The following OTUD7A variants were observed in gnomAD, a reference collection of about 807,000 sequenced individuals.
OTUD7A encodes OTU domain-containing protein 7A.
Under a neutral mutation model 65.7 loss-of-function variants are expected in OTUD7A, and 12 were observed. The ratio of observed to expected loss-of-function variants is 0.18; its 90% confidence interval spans 0.12 to 0.30. The LOEUF (loss-of-function observed/expected upper bound fraction) is 0.30, where lower values mean the gene tolerates loss of function less well. Among genes scored for constraint, OTUD7A ranks in the 10% least tolerant of loss-of-function variants. The probability of loss-of-function intolerance (pLI) is 1.00; values close to 1 mark genes in which losing one functional copy is unlikely to be tolerated. For synonymous variants in OTUD7A, 641 were observed against 586.3 expected (o/e 1.09, Z -1.35); for missense variants, 1,148 against 1,304.8 (o/e 0.88, Z 1.85).
intron 6 of OTUD7A, among the ~76,000 whole-genome samples, chr15:31,528,809 G>A (rs1291370742): frequency 6.6e-6 from 1 of 152,248 alleles, no homozygotes; most frequent in Non-Finnish European, 1.5e-5. Flanking sequence ...AAGGACTGCT[G>A]GTGAATGTCA....
intron 1 of OTUD7A, among the ~76,000 whole-genome samples, chr15:31,831,833 C>T (rs1001391343): frequency 3.3e-5 from 5 of 152,248 alleles, no homozygotes; most frequent in African/African-American, 1.2e-4. Flanking sequence ...GATAAAGCAG[C>T]GGCACAGATG....
At position 31,865,171 on chromosome 15, in the gene OTUD7A, C is replaced by T. The variant is rs57866032; in HGVS notation, c.-100+5336G>A. On this transcript the variant is annotated intron_variant, in intron 1 of 12. Transcript: ENST00000307050. ...TAACAGACAGTCAAAACAAATACTC[C>T]AATTCATACATTTTAAAAAGAAAAA... Among the ~76,000 whole-genome samples, 69 of 152,288 alleles carry T rather than the reference C, an allele frequency of 4.5e-4. No individual in the cohort carries two copies. The East Asian group carries it at 0.011, about 23-fold the overall frequency.
Position 31,747,258 on chromosome 15 carries a change from C to A in OTUD7A, c.-99-90181G>T, listed in dbSNP as rs185549379. 9.5e-4 allele frequency among the ~76,000 whole-genome samples: 145 copies of A among 152,106 alleles called. 1 individual carries two copies. Among genetic ancestry groups the A allele is most frequent in the Middle Eastern group, 6.8e-3 (2 of 294 alleles). On this transcript the variant is annotated intron_variant, in intron 1 of 12. Coordinates refer to ENST00000307050, the MANE Select transcript of OTUD7A (RefSeq NM_001382637.1). Reference sequence around the variant, plus strand: ...AGTTCTCATTTTTGATACATACCCACATTTCTTAATTATGACAACGCCTAG... The same window carrying A: ...AGTTCTCATTTTTGATACATACCCAAATTTCTTAATTATGACAACGCCTAG...
At position 31,484,218 on chromosome 15, in the gene OTUD7A, C is replaced by A; in HGVS notation, c.1878G>T (p.Lys626Asn). ...CGGCGCGCAGGATGTTGAGGCTCAG[C>A]TTCACATCCGTGCTGTACTTCCAGG... ...GDAWKYSTDVKLSLNILRAAM... is the reference protein window; with the variant it reads ...GDAWKYSTDVNLSLNILRAAM... The change falls in exon 13 of 13, where the codon AAG (lysine) becomes AAT (asparagine). Residue 626 changes from lysine to asparagine, a missense_variant. Lys to Asn is a moderately conservative substitution (Grantham distance 94, BLOSUM62 0). This residue lies in a region of OTUD7A where 842 missense variants were observed against 769.5 expected (regional missense o/e 1.09). Coordinates refer to ENST00000307050, the MANE Select transcript of OTUD7A (RefSeq NM_001382637.1). This position sits in a 1 kb window ranked among gnomAD's most constrained non-coding sequence, Gnocchi z 4.5. The A allele has an allele frequency of 6.2e-7, 1 of 1,607,726 alleles. No homozygotes were observed. The highest frequency in any genetic ancestry group is 8.5e-7 in the Non-Finnish European group (1 of 1,178,570).
chr15:31,599,803 T>C (rs1890021070), intron 3 of OTUD7A, among the ~76,000 whole-genome samples: 1 of 152,074 alleles, frequency 6.6e-6, no homozygotes, highest in Admixed American at 6.6e-5. Flanking sequence ...ATAAATGACC[T>C]GATGGAGTTG....
rs34239466 is a variant in OTUD7A, at chr15:31,638,378, C to CTT, written c.151+16716_151+16717dup. 3.1e-3 allele frequency among the ~76,000 whole-genome samples: 417 copies of CTT among 134,548 alleles called. 7 individuals are homozygous for CTT. Among genetic ancestry groups the CTT allele is most frequent in the African/African-American group, 7.9e-3 (277 of 35,212 alleles). The allele number at this position is 134,548 out of a possible 152,430, so 88.3% of individuals were successfully genotyped here. A position where few individuals can be genotyped will look rare whatever the true frequency, so the allele number is the denominator to read the frequency against. On this transcript the variant is annotated intron_variant, in intron 3 of 12. Coordinates refer to ENST00000307050, the MANE Select transcript of OTUD7A (RefSeq NM_001382637.1). ...AGACTACAGAATAGTATAAAGATAACTTTTTTTTTTTTTTTTTTTGAGACA... is the reference window on the plus strand; with the variant it reads ...AGACTACAGAATAGTATAAAGATAACTTTTTTTTTTTTTTTTTTTTTGAGACA...
intron 1 of OTUD7A, among the ~76,000 whole-genome samples, chr15:31,755,468 T>C (rs957604726): frequency 1.3e-5 from 2 of 152,132 alleles, no homozygotes; most frequent in Non-Finnish European, 2.9e-5. Context: ...ACGCCTGTAA[T>C]ACCAGCACTT....
chr15:31,835,364 C>T (rs957198376), intron 1 of OTUD7A, among the ~76,000 whole-genome samples: 2 of 152,196 alleles, frequency 1.3e-5, no homozygotes, highest in Non-Finnish European at 2.9e-5. Context: ...AACTAGGCAT[C>T]CCGTATTATT....
At chr15:31,865,922 G>C (rs1897864813) in intron 1 of OTUD7A, among the ~76,000 whole-genome samples, 1 of 152,178 alleles carries the variant, frequency 6.6e-6, no homozygotes, top group Non-Finnish European at 1.5e-5. Context: ...TTACTCATGT[G>C]TATTCATTCA....
At position 31,484,999 on chromosome 15, in the gene OTUD7A, CTT is replaced by C. The variant is rs2041216542; in HGVS notation, c.1372-277_1372-276del. ...CCAGGGAAGCTGGGGTGTACTCATTCTTTCTCTCTGGGGGACCTCAGGTACTT... is the reference window on the plus strand; with the variant it reads ...CCAGGGAAGCTGGGGTGTACTCATTCTCTCTCTGGGGGACCTCAGGTACTT... On this transcript the variant is annotated intron_variant, in intron 12 of 12. Coordinates refer to ENST00000307050, the MANE Select transcript of OTUD7A (RefSeq NM_001382637.1). The surrounding 1 kb of genome is among the most constrained non-coding windows in gnomAD (Gnocchi z 4.5). Among the ~76,000 whole-genome samples the C allele has an allele frequency of 2.0e-5, 3 of 152,346 alleles. No homozygotes were observed. Among genetic ancestry groups the C allele is most frequent in the African/African-American group, 7.2e-5 (3 of 41,580 alleles).
chr15:31,640,819 C>T (rs373000886), intron 3 of OTUD7A, among the ~76,000 whole-genome samples: 12 of 152,158 alleles, frequency 7.9e-5, no homozygotes, highest in Admixed American at 6.5e-4. Context: ...CATCATTTCA[C>T]GGTTACCCCT....
chr15:31,508,066 G>T (rs1016166028), intron 8 of OTUD7A, among the ~76,000 whole-genome samples: 25 of 152,098 alleles, frequency 1.6e-4, no homozygotes, highest in African/African-American at 5.8e-4. Context: ...AGCATTAAAG[G>T]CAATGGTTTG....
chr15:31,597,848 G>A (rs751956870), intron 3 of OTUD7A, among the ~76,000 whole-genome samples: 1 of 152,208 alleles, frequency 6.6e-6, no homozygotes. Flanking sequence ...AAGGGGCATA[G>A]AGCCTGGGCT....
intron 1 of OTUD7A, among the ~76,000 whole-genome samples, chr15:31,733,429 C>T (rs1894102659): frequency 6.6e-6 from 1 of 152,188 alleles, no homozygotes; most frequent in Non-Finnish European, 1.5e-5. Flanking sequence ...TTTCCACCCT[C>T]TACCTCCTCT....
At chr15:31,792,031 T>TACC (rs1163003103) in intron 1 of OTUD7A, among the ~76,000 whole-genome samples, 8 of 152,250 alleles carry the variant, frequency 5.3e-5, no homozygotes, top group African/African-American at 1.4e-4. Flanking sequence ...CTTGACTTCC[T>TACC]ACCACCACTC....
chr15:31,755,970 C>T (rs181731069), intron 1 of OTUD7A, among the ~76,000 whole-genome samples: 1 of 152,298 alleles, frequency 6.6e-6, no homozygotes, highest in East Asian at 1.9e-4. Flanking sequence ...CTTAAGCCTT[C>T]TGCAAAGGCG....
At chr15:31,755,846 C>T (rs547518641) in intron 1 of OTUD7A, among the ~76,000 whole-genome samples, 7 of 152,350 alleles carry the variant, frequency 4.6e-5, no homozygotes, top group African/African-American at 1.7e-4. Context: ...GTTTTCCACC[C>T]AGTGGCGGCC....
At chr15:31,797,801 G>A (rs981385045) in intron 1 of OTUD7A, among the ~76,000 whole-genome samples, 2 of 152,220 alleles carry the variant, frequency 1.3e-5, no homozygotes, top group Non-Finnish European at 2.9e-5. Flanking sequence ...TCCGGTGCTG[G>A]GAGGAAGTAT....
At chr15:31,841,512 C>T (rs919060904) in intron 1 of OTUD7A, among the ~76,000 whole-genome samples, 4 of 152,142 alleles carry the variant, frequency 2.6e-5, no homozygotes, top group Admixed American at 6.5e-5. Flanking sequence ...TACTACCCAC[C>T]GAGTCAGTGT....
Sources: allele counts gnomAD v4.1 joint callset (sites outside exome capture counted in the v4.1 genomes callset), GRCh38; gene constraint gnomAD v4.1.1; regional missense constraint gnomAD v4.1.1; non-coding constraint Gnocchi (gnomAD v3.1); transcripts MANE v1.5; gene names NCBI Gene and HGNC (gene_info 2026-07-23, HGNC 2026-07-21).